Variants in WWOX observed in about 807,000 individuals in gnomAD.
WWOX encodes the protein WW domain containing oxidoreductase, also known as WW domain-containing oxidoreductase.
Under a neutral mutation model 46.2 loss-of-function variants are expected in WWOX, and 69 were observed. The observed-to-expected ratio is 1.49, with a 90% confidence interval of 1.23 to 1.82. WWOX has a LOEUF of 1.82. Among genes scored for constraint, WWOX ranks in the 40% most tolerant of loss-of-function variants. The pLI is 0.00. For missense variants in WWOX, 919 were observed against 542.6 expected (o/e 1.69, Z -6.89); for synonymous variants, 359 against 202.6 (o/e 1.77, Z -6.56).
At chr16:79,183,078 C>T (rs1427537316) in intron 8 of WWOX, among the ~76,000 whole-genome samples, 4 of 152,224 alleles carry the variant, frequency 2.6e-5, no homozygotes, top group African/African-American at 9.6e-5. Flanking sequence ...TCTCTGGCAA[C>T]CCACTATGGG....
intron 8 of WWOX, among the ~76,000 whole-genome samples, chr16:79,137,688 C>T (rs1207590256): frequency 5.3e-5 from 8 of 152,128 alleles, no homozygotes; most frequent in African/African-American, 1.4e-4. Flanking sequence ...CTCCCTCCTC[C>T]GTCTCCTTCC....
intron 8 of WWOX, among the ~76,000 whole-genome samples, chr16:78,546,800 A>G (rs543450357): frequency 1.3e-5 from 2 of 152,152 alleles, no homozygotes; most frequent in Admixed American, 6.5e-5. Flanking sequence ...GAGAGAGCCT[A>G]GAAAACCTGG....
intron 8 of WWOX, among the ~76,000 whole-genome samples, chr16:78,598,790 G>C (rs921327678): frequency 6.6e-6 from 1 of 152,144 alleles, no homozygotes; most frequent in African/African-American, 2.4e-5. Flanking sequence ...TGGAGTCTTG[G>C]CTTTTGTGCT....
chr16:78,182,315 A>C (rs7193455), intron 5 of WWOX, among the ~76,000 whole-genome samples: 2 of 151,840 alleles, frequency 1.3e-5, no homozygotes, highest in African/African-American at 2.4e-5. Context: ...AAGAAAAGAA[A>C]TGCTTGGGGC....
chr16:78,987,751 C>A (rs993223889), intron 8 of WWOX, among the ~76,000 whole-genome samples: 1 of 152,168 alleles, frequency 6.6e-6, no homozygotes, highest in Non-Finnish European at 1.5e-5. Context: ...CCCAAACTCT[C>A]TGTGTCCTTT....
chr16:78,541,052 T>C (rs992100680), intron 8 of WWOX, among the ~76,000 whole-genome samples: 11 of 152,178 alleles, frequency 7.2e-5, no homozygotes, highest in African/African-American at 2.7e-4. Context: ...ACAATTAATT[T>C]AGATTTTTTA....
At chr16:78,567,540 G>A (rs576003543) in intron 8 of WWOX, among the ~76,000 whole-genome samples, 1 of 122,106 alleles carries the variant, frequency 8.2e-6, no homozygotes, top group East Asian at 2.4e-4. Context: ...GCGACAGAAG[G>A]AGACTCCGTC....
intron 8 of WWOX, among the ~76,000 whole-genome samples, chr16:78,611,645 A>G (rs1399745835): frequency 2.0e-5 from 3 of 152,258 alleles, no homozygotes; most frequent in Admixed American, 2.0e-4. Context: ...ATGCTGCGTT[A>G]GCCAGCCTCT....
intron 8 of WWOX, among the ~76,000 whole-genome samples, chr16:79,130,717 C>T (rs77317467): frequency 0.022 from 3,350 of 152,310 alleles, 119 homozygotes; most frequent in African/African-American, 0.074. Flanking sequence ...GCGGTACTGG[C>T]GTCCTTCCAG....
chr16:78,885,906 T>A (rs1209876530), intron 8 of WWOX, among the ~76,000 whole-genome samples: 2 of 151,128 alleles, frequency 1.3e-5, no homozygotes, highest in African/African-American at 4.9e-5. Flanking sequence ...CACATCCACG[T>A]ACAGGGATGG....
chr16:78,192,384 C>T (rs1243149211), intron 5 of WWOX, among the ~76,000 whole-genome samples: 1 of 148,866 alleles, frequency 6.7e-6, no homozygotes, highest in Non-Finnish European at 1.5e-5. Flanking sequence ...CCAAGCTACT[C>T]AGGAGGCTGA....
intron 8 of WWOX, among the ~76,000 whole-genome samples, chr16:79,079,479 C>T (rs1329406731): frequency 2.0e-5 from 3 of 152,216 alleles, no homozygotes; most frequent in Non-Finnish European, 4.4e-5. Context: ...AGTCTTTCTT[C>T]CTAGAGGTTG....
At chr16:78,858,187 A>G (rs1316190854) in intron 8 of WWOX, among the ~76,000 whole-genome samples, 3 of 124,166 alleles carry the variant, frequency 2.4e-5, no homozygotes, top group Non-Finnish European at 5.2e-5. Context: ...TTGGCTGTGC[A>G]TGATATAAGT....
chr16:78,104,745 A>G (rs1209970179), intron 1 of WWOX, among the ~76,000 whole-genome samples: 1 of 152,230 alleles, frequency 6.6e-6, no homozygotes, highest in African/African-American at 2.4e-5. Context: ...GGTTATAATT[A>G]AAAAGAACAT....
intron 8 of WWOX, among the ~76,000 whole-genome samples, chr16:78,913,703 C>A (rs960356056): frequency 6.6e-6 from 1 of 151,664 alleles, no homozygotes; most frequent in Non-Finnish European, 1.5e-5. Context: ...GCTATGTTGC[C>A]CAGACTTGGG....
At position 78,599,506 on chromosome 16, in the gene WWOX, A is replaced by G. The variant is rs376776120; in HGVS notation, c.1056+166754A>G. The stretch of plus-strand genomic sequence containing the variant: ...TGGTGTTTTTCACTAAGCTGGCCCC[A>G]TGGATGGCCCTGGTCATGTGTAGAC... On this transcript the variant is annotated intron_variant, in intron 8 of 8. Transcript: ENST00000566780. 3.9e-5 allele frequency among the ~76,000 whole-genome samples: 6 copies of G among 152,290 alleles called. No homozygotes were observed. The East Asian group carries it at 7.7e-4, about 20-fold the overall frequency.
chr16:78,711,358 T>C (rs2048440953), intron 8 of WWOX, among the ~76,000 whole-genome samples: 1 of 152,210 alleles, frequency 6.6e-6, no homozygotes, highest in African/African-American at 2.4e-5. Context: ...CTTCAAAAAA[T>C]AGGAACATGA....
At chr16:78,635,523 G>A (rs2046546382) in intron 8 of WWOX, among the ~76,000 whole-genome samples, 1 of 152,130 alleles carries the variant, frequency 6.6e-6, no homozygotes, top group Admixed American at 6.5e-5. Context: ...CTTACTTTCT[G>A]GCGGGTGGGG....
intron 8 of WWOX, among the ~76,000 whole-genome samples, chr16:78,893,347 T>TG (rs1188578128): frequency 6.6e-6 from 1 of 152,182 alleles, no homozygotes; most frequent in Non-Finnish European, 1.5e-5. Flanking sequence ...CCCTCTCACA[T>TG]GGTTTGAATC....
Sources: allele counts gnomAD v4.1 joint callset (sites outside exome capture counted in the v4.1 genomes callset), GRCh38; gene constraint gnomAD v4.1.1; transcripts MANE v1.5; gene names NCBI Gene and HGNC (gene_info 2026-07-23, HGNC 2026-07-21).